TRAF2: variants seen among roughly 807,000 people sequenced by gnomAD.
The protein encoded by TRAF2 is TNF receptor associated factor 2, also known as TNF receptor-associated factor 2.
TRAF2 carries 6 observed loss-of-function variants against 55.6 expected under a neutral mutation model. The ratio of observed to expected loss-of-function variants is 0.11; its 90% CI spans 0.06 to 0.21. The LOEUF (loss-of-function observed/expected upper bound fraction) is 0.21, where lower values mean the gene tolerates loss of function less well. Ranked by LOEUF, TRAF2 falls within the 10% of genes least tolerant of loss-of-function variation. The probability of loss-of-function intolerance (pLI) is 1.00; values close to 1 mark genes in which losing one functional copy is unlikely to be tolerated. For missense variants in TRAF2, 561 were observed against 684.5 expected (o/e 0.82, Z 2.01); for synonymous variants, 329 against 276.3 (o/e 1.19, Z -1.89).
At chr9:136,896,406 C>CAT (rs1849680952) in intron 1 of TRAF2, among the ~76,000 whole-genome samples, 1 of 152,098 alleles carries the variant, frequency 6.6e-6, no homozygotes, top group Non-Finnish European at 1.5e-5. Context: ...GCTGTGGAGA[C>CAT]GCATGGGTCT....
At chr9:136,896,582 C>G in intron 1 of TRAF2, among the ~76,000 whole-genome samples, 1 of 152,158 alleles carries the variant, frequency 6.6e-6, no homozygotes, top group Non-Finnish European at 1.5e-5. Flanking sequence ...GCTTTGAAGT[C>G]TTTGGACTCA....
At chr9:136,909,539 G>T (rs1250100182) in intron 5 of TRAF2, among the ~76,000 whole-genome samples, 1 of 152,166 alleles carries the variant, frequency 6.6e-6, no homozygotes, top group African/African-American at 2.4e-5. Context: ...GCATGTCAGG[G>T]TCTGTCTTGG....
intron 1 of TRAF2, among the ~76,000 whole-genome samples, chr9:136,888,578 C>T (rs1039806314): frequency 6.6e-6 from 1 of 152,206 alleles, no homozygotes; most frequent in African/African-American, 2.4e-5. Context: ...AGGGCGAGGC[C>T]TGGGTTGAAC....
rs550103417 is a variant in TRAF2, at chr9:136,918,052, C to T, written c.678+1437C>T. On this transcript the variant is annotated intron_variant, in intron 7 of 10. Coordinates refer to ENST00000247668, the MANE Select transcript of TRAF2 (RefSeq NM_021138.4). ...GCTCAGCCAGGGCCTGCTTTTTCCA[C>T]GCCGCGCACAGCATGGTCCCAACAG... 7.8e-4 allele frequency among the ~76,000 whole-genome samples: 119 copies of T among 152,008 alleles called. 1 individual carries two copies. The highest frequency in any genetic ancestry group is 2.8e-3 in the African/African-American group (115 of 41,434).
At chr9:136,883,587 G>A (rs1849398598), upstream of TRAF2, among the ~76,000 whole-genome samples, 1 of 152,100 alleles carries the variant, frequency 6.6e-6, no homozygotes, top group Non-Finnish European at 1.5e-5. Context: ...CGTAATCTCG[G>A]CTCACTGCAA....
At chr9:136,901,955 C>T (rs1849830606) in intron 4 of TRAF2, 1 of 152,224 alleles carries the variant, frequency 6.6e-6, no homozygotes, top group African/African-American at 2.4e-5. Flanking sequence ...CTTTGGGCTC[C>T]AAGTTTCGTT....
At chr9:136,916,937 G>A (rs888145108) in intron 7 of TRAF2, among the ~76,000 whole-genome samples, 1 of 152,082 alleles carries the variant, frequency 6.6e-6, no homozygotes, top group African/African-American at 2.4e-5. Context: ...GGCTCGCCAC[G>A]ACCACTCCTT....
intron 4 of TRAF2, among the ~76,000 whole-genome samples, chr9:136,906,280 A>G (rs1032609350): frequency 1.3e-5 from 2 of 152,118 alleles, no homozygotes; most frequent in African/African-American, 4.8e-5. Context: ...CCATTTTCAT[A>G]CTACTATAAA....
intron 10 of TRAF2, among the ~76,000 whole-genome samples, chr9:136,925,081 A>G (rs1850496425): frequency 6.6e-6 from 1 of 152,236 alleles, no homozygotes; most frequent in African/African-American, 2.4e-5. Flanking sequence ...TTGAAGATGC[A>G]GAGACTAGAC....
At chr9:136,919,695 CT>C (rs1347455180) in intron 7 of TRAF2, among the ~76,000 whole-genome samples, 1 of 151,826 alleles carries the variant, frequency 6.6e-6, no homozygotes, top group Non-Finnish European at 1.5e-5. Flanking sequence ...CCCTTCATCC[CT>C]TCATCTCGTC....
chr9:136,888,960 G>C (rs563643839), intron 1 of TRAF2, among the ~76,000 whole-genome samples: 20 of 152,092 alleles, frequency 1.3e-4, no homozygotes, highest in Non-Finnish European at 2.1e-4. Context: ...CTGCCTCCTG[G>C]GTTCACGCTA....
chr9:136,900,411 C>A lies in TRAF2; in HGVS notation c.268-11C>A. The A allele has an allele frequency of 6.4e-7, 1 of 1,574,280 alleles. No individual in the cohort carries two copies. Among genetic ancestry groups the A allele is most frequent in the Middle Eastern group, 1.7e-4 (1 of 5,892 alleles). ...GAGGAGGTTTAACCCGAGGGATATT[C>A]CTCTCCCCAGGCCTTCCCAGATAAT... On this transcript the variant is annotated splice_polypyrimidine_tract_variant and intron_variant, in intron 3 of 10. Coordinates refer to ENST00000247668, the MANE Select transcript of TRAF2 (RefSeq NM_021138.4).
chr9:136,883,183 C>T (rs752608272), upstream of TRAF2, among the ~76,000 whole-genome samples: 1 of 151,382 alleles, frequency 6.6e-6, no homozygotes, highest in Non-Finnish European at 1.5e-5. Context: ...TTTTTTTTTA[C>T]GTGTCTGTGC....
At chr9:136,924,884 A>T (rs149768017) in intron 10 of TRAF2, among the ~76,000 whole-genome samples, 2 of 151,682 alleles carry the variant, frequency 1.3e-5, no homozygotes, top group Non-Finnish European at 2.9e-5. Context: ...GACTACAGGC[A>T]TGCACCACCA....
At chr9:136,893,125 C>T (rs1407289707) in intron 1 of TRAF2, among the ~76,000 whole-genome samples, 1 of 152,140 alleles carries the variant, frequency 6.6e-6, no homozygotes, top group Non-Finnish European at 1.5e-5. Context: ...TCTGTGAGCT[C>T]CGGAACATCC....
intron 9 of TRAF2, among the ~76,000 whole-genome samples, chr9:136,921,567 A>G (rs1411592502): frequency 6.7e-6 from 1 of 149,242 alleles, no homozygotes; most frequent in Non-Finnish European, 1.5e-5. Context: ...TCCCAGGAAG[A>G]CAGGGCGGGT....
chr9:136,918,262 TTTAA>T (rs10533004), intron 7 of TRAF2, among the ~76,000 whole-genome samples: 10,211 of 31,328 alleles, frequency 0.33, 616 homozygotes, highest in South Asian at 0.42. Context: ...TATATATTTA[TTTAA>T]TTAATTAATT....
chr9:136,913,805 CCCT>C (rs1588438392), intron 6 of TRAF2, among the ~76,000 whole-genome samples: 1 of 152,000 alleles, frequency 6.6e-6, no homozygotes, highest in African/African-American at 2.4e-5. Flanking sequence ...TCCTCCCAGC[CCCT>C]CCTCTCCATC....
intron 9 of TRAF2, among the ~76,000 whole-genome samples, chr9:136,922,953 T>TGG (rs1224678801): frequency 1.3e-5 from 2 of 148,974 alleles, no homozygotes; most frequent in Non-Finnish European, 3.0e-5. Context: ...AGGATGGGCC[T>TGG]GGGGGCACGC....
Sources: gnomAD v4.1 joint callset for allele counts (sites outside exome capture counted in the v4.1 genomes callset) on GRCh38, gnomAD v4.1.1 for gene constraint, MANE v1.5 for transcripts, NCBI Gene and HGNC (gene_info 2026-07-23, HGNC 2026-07-21) for gene names.